VPS13B: variants seen among roughly 807,000 people sequenced by gnomAD.
VPS13B encodes the protein intermembrane lipid transfer protein VPS13B.
In VPS13B, 285 loss-of-function variants were observed where a neutral mutation model predicts 426.4. The ratio of observed to expected loss-of-function variants is 0.67; its 90% CI spans 0.61 to 0.74. The LOEUF (loss-of-function observed/expected upper bound fraction) is 0.74. VPS13B is among the 30% of genes least tolerant of loss of function. VPS13B has a pLI of 0.00. For missense variants in VPS13B, 4,537 were observed against 4,782.6 expected (o/e 0.95, Z 1.51); for synonymous variants, 1,676 against 1,676.4 (o/e 1.00, Z 0.01).
At chr8:99,729,615 A>T (rs1833505382) in intron 39 of VPS13B, among the ~76,000 whole-genome samples, 1 of 152,244 alleles carries the variant, frequency 6.6e-6, no homozygotes, top group Non-Finnish European at 1.5e-5. Context: ...GTTCTAATGA[A>T]GTATGAGAGC....
In VPS13B at chr8:99,812,651, A is replaced by G. The variant is rs981301873; in HGVS notation, c.8097+3121A>G. The stretch of plus-strand genomic sequence containing the variant: ...TTGTGGGAACTTTGTATGTTCTACA[A>G]CTACTATGTACACACATTTGCTTCC... On this transcript the variant is annotated intron_variant, in intron 44 of 61. Transcript: ENST00000357162. Among the ~76,000 whole-genome samples, 9 of 152,346 alleles carry G rather than the reference A, an allele frequency of 5.9e-5. No homozygotes were observed. In the Middle Eastern group the frequency reaches 0.01, roughly 173 times the overall value.
At chr8:99,087,855 G>A (rs1207675781) in intron 3 of VPS13B, among the ~76,000 whole-genome samples, 1 of 151,944 alleles carries the variant, frequency 6.6e-6, no homozygotes, top group Non-Finnish European at 1.5e-5. Context: ...ATAATTGTAT[G>A]TCATGCCTTT....
In VPS13B at chr8:99,818,698, CTTTTAT is replaced by C; in HGVS notation, c.8446-8_8446-3del. On this transcript the variant is annotated splice_polypyrimidine_tract_variant and intron_variant, in intron 46 of 61. Coordinates refer to ENST00000357162, the MANE Select transcript of VPS13B (RefSeq NM_152564.5). ...AAGCAAATATGAAAGTTGTTCTATC[CTTTTAT>C]TTTTATAGATTGTGTTCAGCCCTCT... The C allele has an allele frequency of 6.2e-7, 1 of 1,613,366 alleles. No homozygotes were observed. Among genetic ancestry groups the C allele is most frequent in the Non-Finnish European group, 8.5e-7 (1 of 1,179,842 alleles).
intron 50 of VPS13B, among the ~76,000 whole-genome samples, 191 bp from the exon 51 acceptor site, chr8:99,823,641 C>T (rs1814506105): frequency 6.6e-6 from 1 of 152,150 alleles, no homozygotes; most frequent in African/African-American, 2.4e-5. Flanking sequence ...ATGTTGTAGG[C>T]TAAATACTGA....
At chr8:99,369,697 G>A (rs73287856) in intron 19 of VPS13B, among the ~76,000 whole-genome samples, 2,533 of 152,188 alleles carry the variant, frequency 0.017, 65 homozygotes, top group African/African-American at 0.058. Flanking sequence ...TACTCGTTGG[G>A]GATACTAACT....
At chr8:99,546,591 A>T (rs982680375) in intron 30 of VPS13B, among the ~76,000 whole-genome samples, 1 of 152,048 alleles carries the variant, frequency 6.6e-6, no homozygotes, top group Non-Finnish European at 1.5e-5. Context: ...TTATCTACAT[A>T]ATATTGAAAC....
At chr8:99,297,626 G>T (rs1421735508) in intron 19 of VPS13B, among the ~76,000 whole-genome samples, 1 of 152,124 alleles carries the variant, frequency 6.6e-6, no homozygotes, top group Admixed American at 6.6e-5. Flanking sequence ...CCCATGGAAA[G>T]AAAAATATTA....
intron 19 of VPS13B, among the ~76,000 whole-genome samples, chr8:99,313,727 T>G (rs1426446203): frequency 6.6e-6 from 1 of 152,184 alleles, no homozygotes; most frequent in Non-Finnish European, 1.5e-5. Context: ...CTGCAGAGGT[T>G]TCTGCTGCCT....
At chr8:99,270,697 T>C (rs958816419) in intron 17 of VPS13B, among the ~76,000 whole-genome samples, 1 of 152,202 alleles carries the variant, frequency 6.6e-6, no homozygotes, top group East Asian at 1.9e-4. Flanking sequence ...GAGAATCTTT[T>C]AGTAGCTCTT....
At chr8:99,467,301 T>C in intron 23 of VPS13B, 113 bp from the exon 24 acceptor site, 1 of 1,123,662 alleles carries the variant, frequency 8.9e-7, no homozygotes, top group Non-Finnish European at 1.3e-6. Context: ...TATTCACTTT[T>C]TATGATGCAG....
chr8:99,208,027 C>G (rs1814830806), intron 17 of VPS13B, among the ~76,000 whole-genome samples: 1 of 152,148 alleles, frequency 6.6e-6, no homozygotes, highest in African/African-American at 2.4e-5. Flanking sequence ...TTTGTGAGGG[C>G]TGTTTACAAA....
At position 99,507,125 on chromosome 8, in the gene VPS13B, T is replaced by C. The variant is rs1821543201; in HGVS notation, c.4158-12T>C. The C allele has an allele frequency of 6.2e-7, 1 of 1,613,926 alleles. No homozygotes were observed. Among genetic ancestry groups the C allele is most frequent in the Admixed American group, 1.7e-5 (1 of 60,008 alleles). Reference sequence around the variant, plus strand: ...TTGAAGAGAACAGATAAGGTGAACTTATGTTTTCCAGGCCAGGGGAAGGTT... The same window carrying C: ...TTGAAGAGAACAGATAAGGTGAACTCATGTTTTCCAGGCCAGGGGAAGGTT... On this transcript the variant is annotated splice_polypyrimidine_tract_variant and intron_variant, in intron 27 of 61. Coordinates refer to ENST00000357162, the MANE Select transcript of VPS13B (RefSeq NM_152564.5).
intron 19 of VPS13B, among the ~76,000 whole-genome samples, chr8:99,374,592 G>A (rs1813376346): frequency 2.0e-5 from 3 of 151,984 alleles, no homozygotes; most frequent in Admixed American, 2.0e-4. Context: ...AGTTTTTAAT[G>A]TAATGTCAAA....
intron 5 of VPS13B, among the ~76,000 whole-genome samples, chr8:99,106,856 G>A (rs1847075702): frequency 6.6e-6 from 1 of 152,182 alleles, no homozygotes; most frequent in Admixed American, 6.5e-5. Flanking sequence ...GTCTTTCCTG[G>A]ATATATGTGG....
chr8:99,130,615 C>T (rs1809733139), intron 8 of VPS13B, among the ~76,000 whole-genome samples: 1 of 152,106 alleles, frequency 6.6e-6, no homozygotes, highest in Non-Finnish European at 1.5e-5. Context: ...TGGTCTCGAT[C>T]TCCTGACCTC....
intron 34 of VPS13B, among the ~76,000 whole-genome samples, chr8:99,656,539 G>T (rs556243229): frequency 2.9e-4 from 44 of 152,252 alleles, no homozygotes; most frequent in African/African-American, 1.0e-3. Flanking sequence ...TGACCCTGAA[G>T]AATGTGTAAT....
At chr8:99,669,057 G>A (rs2129858853) in intron 35 of VPS13B, among the ~76,000 whole-genome samples, 1 of 152,144 alleles carries the variant, frequency 6.6e-6, no homozygotes, top group Non-Finnish European at 1.5e-5. Flanking sequence ...TGAAAGCAGG[G>A]CCACCTGTTC....
chr8:99,351,573 A>G (rs1000414104), intron 19 of VPS13B, among the ~76,000 whole-genome samples: 1 of 152,112 alleles, frequency 6.6e-6, no homozygotes, highest in Non-Finnish European at 1.5e-5. Context: ...TTCTTGACAC[A>G]GATCAAACAT....
At chr8:99,628,779 T>G (rs937122143) in intron 33 of VPS13B, among the ~76,000 whole-genome samples, 1 of 152,038 alleles carries the variant, frequency 6.6e-6, no homozygotes, top group African/African-American at 2.4e-5. Context: ...CTATGTGTTT[T>G]TTTTTTTTTA....
Sources: gnomAD v4.1 joint callset for allele counts (sites outside exome capture counted in the v4.1 genomes callset) on GRCh38, gnomAD v4.1.1 for gene constraint, MANE v1.5 for transcripts, NCBI Gene and HGNC (gene_info 2026-07-23, HGNC 2026-07-21) for gene names.